PRMT9: variants seen among roughly 807,000 people sequenced by gnomAD.
PRMT9 encodes protein arginine methyltransferase 9, also known as protein arginine N-methyltransferase 9.
In PRMT9, 59 loss-of-function variants were observed where a neutral mutation model predicts 83.2. That is an observed-to-expected ratio of 0.71 (90% CI 0.57 to 0.88). PRMT9 has a LOEUF of 0.88. Among genes scored for constraint, PRMT9 ranks in the 40% least tolerant of loss-of-function variants. The probability of loss-of-function intolerance (pLI) is 0.00; values close to 1 mark genes in which losing one functional copy is unlikely to be tolerated. For synonymous variants in PRMT9, 333 were observed against 353.2 expected (o/e 0.94, Z 0.64); for missense variants, 947 against 1,021.9 (o/e 0.93, Z 1.00).
At position 147,638,550 on chromosome 4, in the gene PRMT9, G is replaced by A. The variant is rs756682165; in HGVS notation, c.2520C>T (p.Ser840=). Residue 840 remains serine (S), a synonymous_variant, in exon 12 of 12, where the codon AGC becomes AGT. Coordinates refer to ENST00000322396, the MANE Select transcript of PRMT9 (RefSeq NM_138364.4). Reference sequence around the variant, plus strand: ...CTGCTCTTCATTGCTTTACTGTGATGCTGACATTGCTTTTGTGATGCTGAA... The same window carrying A: ...CTGCTCTTCATTGCTTTACTGTGATACTGACATTGCTTTTGTGATGCTGAA... ...LSIQHHKSNV[S]ITVKQ is the part of the protein sequence containing the mutation. 6.2e-7 allele frequency: 1 copy of A among 1,613,422 alleles called. No individual in the cohort carries two copies. The highest frequency in any genetic ancestry group is 8.5e-7 in the Non-Finnish European group (1 of 1,179,514).
chr4:147,665,798 T>C (rs1735287570), intron 6 of PRMT9, among the ~76,000 whole-genome samples: 2 of 152,238 alleles, frequency 1.3e-5, no homozygotes, highest in African/African-American at 4.8e-5. Context: ...TTTTGCATAA[T>C]ACTACATTAG....
intron 9 of PRMT9, among the ~76,000 whole-genome samples, chr4:147,651,509 G>C (rs1734094599): frequency 6.6e-6 from 1 of 152,144 alleles, no homozygotes. Context: ...TTAGTATCCA[G>C]AATACAGAAA....
chr4:147,681,895 G>C (rs377590262), intron 1 of PRMT9, among the ~76,000 whole-genome samples: 180 of 152,194 alleles, frequency 1.2e-3, no homozygotes, highest in African/African-American at 4.0e-3. Flanking sequence ...CAGGCAATGA[G>C]CATTTTACAG....
chr4:147,683,979 G>C lies in PRMT9; in HGVS notation c.9C>G (p.Asn3Lys). The C allele has an allele frequency of 2.5e-6, 4 of 1,612,794 alleles. No homozygotes were observed. Among genetic ancestry groups the C allele is most frequent in the Non-Finnish European group, 3.4e-6 (4 of 1,179,674 alleles). The change falls in exon 1 of 12, where the codon AAC (asparagine) becomes AAG (lysine). Residue 3 changes from asparagine (N) to lysine (K), a missense_variant. Coordinates refer to ENST00000322396, the MANE Select transcript of PRMT9 (RefSeq NM_138364.4). MS[N>K]SRPRSRRDAG... ...CGTCTCGGCGGGACCTGGGCCGCGAGTTCGACATGGCAGTCACCACTTGTA... is the reference window on the plus strand; with the variant it reads ...CGTCTCGGCGGGACCTGGGCCGCGACTTCGACATGGCAGTCACCACTTGTA...
intron 9 of PRMT9, among the ~76,000 whole-genome samples, chr4:147,643,148 T>A (rs1733521129): frequency 6.6e-6 from 1 of 152,038 alleles, no homozygotes; most frequent in Admixed American, 6.6e-5. Context: ...GCACCTGTAG[T>A]TCCACCTACT....
intron 9 of PRMT9, among the ~76,000 whole-genome samples, chr4:147,648,982 G>A (rs1436166273): frequency 6.6e-6 from 1 of 152,134 alleles, no homozygotes; most frequent in African/African-American, 2.4e-5. Context: ...TACTGCAACT[G>A]CTAGGCTCCT....
At position 147,657,867 on chromosome 4, in the gene PRMT9, C is replaced by G. The variant is rs533582739; in HGVS notation, c.1255G>C (p.Glu419Gln). ...MVWFVLQLDD[E>Q]HSLSTSPSEE... ...CTAGGACTTGTGGATAAACTATGTTCATCATCAAGCTGGAGCACAAACCAA... is the reference window on the plus strand; with the variant it reads ...CTAGGACTTGTGGATAAACTATGTTGATCATCAAGCTGGAGCACAAACCAA... The change falls in exon 8 of 12, where the codon GAA becomes CAA. Residue 419 changes from glutamate to glutamine, a missense_variant. Glu to Gln is a conservative substitution (Grantham distance 29). Coordinates refer to ENST00000322396, the MANE Select transcript of PRMT9 (RefSeq NM_138364.4). 6.2e-7 allele frequency: 1 copy of G among 1,610,408 alleles called. No individual in the cohort carries two copies. The highest frequency in any genetic ancestry group is 2.2e-5 in the East Asian group (1 of 44,736).
intron 7 of PRMT9, among the ~76,000 whole-genome samples, chr4:147,658,383 ATG>A (rs979143554): frequency 2.0e-5 from 3 of 151,068 alleles, no homozygotes; most frequent in African/African-American, 2.4e-5. Flanking sequence ...GTGAGTGTGT[ATG>A]TGTGTGTGTG....
intron 7 of PRMT9, among the ~76,000 whole-genome samples, chr4:147,659,824 A>G (rs921044480): frequency 2.0e-5 from 3 of 151,642 alleles, no homozygotes; most frequent in African/African-American, 7.3e-5. Context: ...CAGGTAATCC[A>G]CCTGCCTCGG....
At chr4:147,644,670 G>T (rs534592093) in intron 9 of PRMT9, among the ~76,000 whole-genome samples, 3 of 152,098 alleles carry the variant, frequency 2.0e-5, no homozygotes, top group African/African-American at 7.2e-5. Flanking sequence ...AGTGTAACCA[G>T]GTGTTCATAT....
chr4:147,650,217 A>G (rs1360412520), intron 9 of PRMT9, among the ~76,000 whole-genome samples: 2 of 152,248 alleles, frequency 1.3e-5, no homozygotes, highest in Non-Finnish European at 2.9e-5. Context: ...TCCAAATTGG[A>G]AAGGAAGAAG....
At chr4:147,675,229 C>G (rs1373808260) in intron 2 of PRMT9, among the ~76,000 whole-genome samples, 1 of 152,164 alleles carries the variant, frequency 6.6e-6, no homozygotes, top group Non-Finnish European at 1.5e-5. Context: ...ATTCACCCAC[C>G]TCGGCCTCCC....
At chr4:147,673,339 A>G (rs903083365) in intron 3 of PRMT9, among the ~76,000 whole-genome samples, 1 of 152,214 alleles carries the variant, frequency 6.6e-6, no homozygotes, top group South Asian at 2.1e-4. Flanking sequence ...CACAACTGGC[A>G]TTGTATCTTT....
chr4:147,645,097 C>T (rs1733645863), intron 9 of PRMT9, among the ~76,000 whole-genome samples: 1 of 152,124 alleles, frequency 6.6e-6, no homozygotes, highest in African/African-American at 2.4e-5. Flanking sequence ...TTCACCAACA[C>T]ATTTTTTCAT....
Position 147,673,850 on chromosome 4 carries a change from A to C in PRMT9, c.363T>G (p.Ala121=). ...LFRMGFRDEA[A]GYFHKAVKLN... ...GCTTCACTGCTTTATGAAAATACCC[A>C]GCTGCTTCATCCCTAAAGCCCATTC... The change falls in exon 3 of 12, where the codon GCT becomes GCG. Residue 121 remains alanine, a synonymous_variant. Coordinates refer to ENST00000322396, the MANE Select transcript of PRMT9 (RefSeq NM_138364.4). 1.2e-6 allele frequency: 2 copies of C among 1,614,076 alleles called. No homozygotes were observed. Among genetic ancestry groups the C allele is most frequent in the Non-Finnish European group, 1.7e-6 (2 of 1,179,904 alleles).
At chr4:147,639,944 A>ATT (rs1458256107) in intron 10 of PRMT9, among the ~76,000 whole-genome samples, 1 of 151,696 alleles carries the variant, frequency 6.6e-6, no homozygotes, top group Non-Finnish European at 1.5e-5. Context: ...AAACCAGAAG[A>ATT]AGCCTTAGAT....
At chr4:147,644,265 A>G (rs1247620963) in intron 9 of PRMT9, among the ~76,000 whole-genome samples, 2 of 151,984 alleles carry the variant, frequency 1.3e-5, no homozygotes, top group Non-Finnish European at 2.9e-5. Context: ...GTGTATTACT[A>G]TTACTGAGTG....
At chr4:147,661,561 CGGGT>C in intron 6 of PRMT9, among the ~76,000 whole-genome samples, 1 of 151,988 alleles carries the variant, frequency 6.6e-6, no homozygotes. Context: ...GAGGCCAAGG[CGGGT>C]GGATCACGAG....
rs190859573 is a variant in PRMT9, at chr4:147,679,698, T to A, written c.338+625A>T. ...AGAAGGTGGAGAGGTTGCAGTGAGC[T>A]GAGATCACGCCACTTCACTCCAGCC... On this transcript the variant is annotated intron_variant, in intron 2 of 11. Transcript: ENST00000322396. Among the ~76,000 whole-genome samples, 80 of 152,220 alleles carry A rather than the reference T, an allele frequency of 5.3e-4. No homozygotes were observed. In the East Asian group the frequency reaches 0.012, roughly 22 times the overall value.
Sources: gnomAD v4.1 joint callset for allele counts (sites outside exome capture counted in the v4.1 genomes callset) on GRCh38, gnomAD v4.1.1 for gene constraint, MANE v1.5 for transcripts, NCBI Gene and HGNC (gene_info 2026-07-23, HGNC 2026-07-21) for gene names.